IGSF5: variants seen among roughly 807,000 people sequenced by gnomAD.
IGSF5 encodes immunoglobulin superfamily 5 like.
IGSF5 carries 41 observed loss-of-function variants against 39.4 expected under a neutral mutation model. That is an observed-to-expected ratio of 1.04 (90% CI 0.81 to 1.35). The LOEUF (loss-of-function observed/expected upper bound fraction) is 1.35. IGSF5 is among the 40% of genes most tolerant of loss of function. The pLI is 0.00. For missense variants in IGSF5, 487 were observed against 494.6 expected (o/e 0.98, Z 0.15); for synonymous variants, 183 against 175.3 (o/e 1.04, Z -0.34).
In IGSF5 at chr21:39,771,130, G is replaced by T. The variant is rs1367686124; in HGVS notation, c.633G>T (p.Gly211=). The part of the protein sequence containing the change: ...SILALTPQSN[G]TLTCVATWKS... ...TGGCTCTGACCCCACAGAGCAATGG[G>T]ACTTTGACTTGCGTGGCTACCTGGA... Residue 211 remains glycine, a synonymous_variant, in exon 4 of 9, where the codon GGG becomes GGT. Transcript: ENST00000380588. 1 of 1,610,664 alleles carries T rather than the reference G, an allele frequency of 6.2e-7. No homozygotes were observed.
intron 6 of IGSF5, among the ~76,000 whole-genome samples, 153 bp downstream of exon 6, chr21:39,788,341 T>A (rs1014702548): frequency 6.6e-6 from 1 of 152,214 alleles, no homozygotes; most frequent in Non-Finnish European, 1.5e-5. Flanking sequence ...GAAAAACACG[T>A]ATGCCGATCA....
At chr21:39,782,755 C>A (rs1569256763) in intron 5 of IGSF5, among the ~76,000 whole-genome samples, 1 of 152,172 alleles carries the variant, frequency 6.6e-6, no homozygotes, top group Non-Finnish European at 1.5e-5. Context: ...CTCTTCCAGA[C>A]TTTTGAAAAC....
chr21:39,755,472 AG>A (rs1890796935), intron 2 of IGSF5, among the ~76,000 whole-genome samples: 1 of 151,934 alleles, frequency 6.6e-6, no homozygotes, highest in African/African-American at 2.4e-5. Flanking sequence ...CTGTAGTCCC[AG>A]CTACTCAGGA....
intron 8 of IGSF5, among the ~76,000 whole-genome samples, chr21:39,795,053 A>G (rs2086987431): frequency 6.6e-6 from 1 of 152,186 alleles, no homozygotes; most frequent in Non-Finnish European, 1.5e-5. Context: ...ACAACAAGAC[A>G]TATGAGGGGC....
At chr21:39,717,972 G>A in the IGSF5 span, among the ~76,000 whole-genome samples, 2 of 152,262 alleles carry the variant, frequency 1.3e-5, no homozygotes, top group Admixed American at 6.5e-5. Context: ...TAATCCATGA[G>A]CATGCAGTGT....
chr21:39,763,883 C>T (rs16998414), intron 2 of IGSF5, among the ~76,000 whole-genome samples: 6,497 of 152,192 alleles, frequency 0.043, 437 homozygotes, highest in African/African-American at 0.15. Flanking sequence ...CCATTTCTCA[C>T]GCTTAAAACA....
the IGSF5 span, among the ~76,000 whole-genome samples, chr21:39,725,584 C>T: frequency 1.3e-5 from 2 of 152,194 alleles, no homozygotes; most frequent in Admixed American, 6.5e-5. Flanking sequence ...AGACAAGTTT[C>T]CTCCTTCAGG....
the IGSF5 span, among the ~76,000 whole-genome samples, chr21:39,713,272 T>G: frequency 6.6e-6 from 1 of 152,172 alleles, no homozygotes; most frequent in Non-Finnish European, 1.5e-5. Flanking sequence ...AAGTGCCTTC[T>G]GGCCCTACTG....
intron 8 of IGSF5, among the ~76,000 whole-genome samples, chr21:39,798,214 G>C (rs765595787): frequency 1.3e-5 from 2 of 152,186 alleles, no homozygotes; most frequent in Non-Finnish European, 2.9e-5. Flanking sequence ...ATAGCAAGAG[G>C]GGAATCAGGA....
At position 39,765,565 on chromosome 21, in the gene IGSF5, GC is replaced by G; in HGVS notation, c.136del (p.Gln46LysfsTer6). On this transcript the variant is annotated frameshift_variant, in exon 3 of 9. Coordinates refer to ENST00000380588, the MANE Select transcript of IGSF5 (RefSeq NM_001080444.2). LOFTEE classifies it high-confidence loss of function. ...GGGTCTGGTAATGAAGTCATAGAAG[GC>G]CCCCAAAATGCAAGAGTCCTGAAGG... is the stretch of plus-strand genomic sequence containing the variant. ...GSGSGNEVIEGPQNARVLKGS... is the reference protein window; with the variant it reads ...GSGSGNEVIEXPQNARVLKGS... The G allele has an allele frequency of 4.3e-6, 7 of 1,613,806 alleles. No individual in the cohort carries two copies. The highest frequency in any genetic ancestry group is 5.9e-6 in the Non-Finnish European group (7 of 1,179,778).
intron 5 of IGSF5, among the ~76,000 whole-genome samples, chr21:39,784,857 A>C (rs531475175): frequency 6.6e-6 from 1 of 152,216 alleles, no homozygotes; most frequent in South Asian, 2.1e-4. Context: ...CTATCCAGAG[A>C]TTTCTCAGTA....
chr21:39,764,414 CA>C (rs1269869603), intron 2 of IGSF5, among the ~76,000 whole-genome samples: 3 of 152,136 alleles, frequency 2.0e-5, no homozygotes, highest in Non-Finnish European at 4.4e-5. Flanking sequence ...GATCTCGGCT[CA>C]CTGCAACCTC....
At chr21:39,747,695 A>G (rs774817666) in intron 2 of IGSF5, among the ~76,000 whole-genome samples, 3 of 152,230 alleles carry the variant, frequency 2.0e-5, no homozygotes, top group Non-Finnish European at 4.4e-5. Context: ...GAGTGGTTGT[A>G]TCATTTTAAA....
chr21:39,735,835 C>T, the IGSF5 span, among the ~76,000 whole-genome samples: 1 of 152,192 alleles, frequency 6.6e-6, no homozygotes, highest in African/African-American at 2.4e-5. Context: ...TACAAACTAT[C>T]TGCTTGCTCT....
At chr21:39,800,199 A>G (rs1331687772) in intron 8 of IGSF5, among the ~76,000 whole-genome samples, 3 of 152,210 alleles carry the variant, frequency 2.0e-5, no homozygotes, top group Admixed American at 2.0e-4. Flanking sequence ...ATTTAAAACA[A>G]AGAATCCTCC....
intron 2 of IGSF5, among the ~76,000 whole-genome samples, chr21:39,765,108 T>G (rs988612330): frequency 2.0e-5 from 3 of 152,220 alleles, no homozygotes; most frequent in African/African-American, 7.2e-5. Context: ...TGTTCTTCTC[T>G]GCAGGCCTCT....
chr21:39,761,841 A>AT (rs560840155), intron 2 of IGSF5, among the ~76,000 whole-genome samples: 3 of 152,056 alleles, frequency 2.0e-5, no homozygotes, highest in Admixed American at 2.0e-4. Flanking sequence ...GCTATTTTTA[A>AT]TTTTTTTGTA....
chr21:39,786,753 A>G (rs2086923407), intron 5 of IGSF5, among the ~76,000 whole-genome samples: 3 of 152,246 alleles, frequency 2.0e-5, no homozygotes, highest in Admixed American at 2.0e-4. Context: ...TGTGGCACAT[A>G]TTCACCATGG....
At chr21:39,742,594 A>T, upstream of IGSF5, among the ~76,000 whole-genome samples, 1 of 152,212 alleles carries the variant, frequency 6.6e-6, no homozygotes, top group East Asian at 1.9e-4. Flanking sequence ...TGGGCCTTCC[A>T]GTGATTCCCT....
Sources: allele counts gnomAD v4.1 joint callset (sites outside exome capture counted in the v4.1 genomes callset), GRCh38; gene constraint gnomAD v4.1.1; transcripts MANE v1.5; gene names NCBI Gene and HGNC (gene_info 2026-07-23, HGNC 2026-07-21).